TIAM2: variants seen among roughly 807,000 people sequenced by gnomAD.
TIAM2 encodes the protein TIAM Rac1 associated GEF 2.
In TIAM2, 80 loss-of-function variants were observed where a neutral mutation model predicts 152.9. The ratio of observed to expected loss-of-function variants is 0.52; its 90% confidence interval spans 0.44 to 0.63. TIAM2 has a LOEUF of 0.63. TIAM2 is among the 30% of genes least tolerant of loss of function. TIAM2 has a pLI of 0.00. For synonymous variants in TIAM2, 804 were observed against 838.0 expected (o/e 0.96, Z 0.70); for missense variants, 1,965 against 2,120.1 (o/e 0.93, Z 1.44).
rs1343195043 is a variant in TIAM2, at chr6:155,248,139, C to A, written c.3792C>A (p.Ser1264=). 1.2e-6 allele frequency: 2 copies of A among 1,614,116 alleles called. No homozygotes were observed. Among genetic ancestry groups the A allele is most frequent in the Non-Finnish European group, 1.7e-6 (2 of 1,180,020 alleles). ...KYPLLLKELV[S]LTDQESEEHY... ...CGCTGCTGCTCAAGGAGCTGGTGTC[C>A]CTGACGGACCAGGAGAGCGAGGAGC... Residue 1264 remains serine, a synonymous_variant, in exon 20 of 27, where the codon TCC becomes TCA. Coordinates refer to ENST00000682666, the MANE Select transcript of TIAM2 (RefSeq NM_012454.4).
intron 9 of TIAM2, among the ~76,000 whole-genome samples, chr6:155,172,666 ATATATATATATATATATATATTTTTTTTT>A (rs1427462342): frequency 0.065 from 604 of 9,278 alleles, 13 homozygotes; most frequent in African/African-American, 0.14. Context: ...ATATATATAT[ATATATATATATATATATATATTTTTTTTT>A]TTTTTTTTTT....
At chr6:155,015,192 A>G (rs916353402) in intron 1 of TIAM2, among the ~76,000 whole-genome samples, 3 of 152,110 alleles carry the variant, frequency 2.0e-5, no homozygotes, top group African/African-American at 7.2e-5. Context: ...GGCAAAGCAT[A>G]GGGAGGGGTA....
chr6:155,116,999 C>T (rs1373364284), intron 2 of TIAM2, among the ~76,000 whole-genome samples: 1 of 150,386 alleles, frequency 6.6e-6, no homozygotes, highest in Non-Finnish European at 1.5e-5. Context: ...TTAGCTGAGA[C>T]TTGAAGTAGA....
At chr6:155,036,555 C>G (rs1776925514) in intron 1 of TIAM2, among the ~76,000 whole-genome samples, 1 of 149,472 alleles carries the variant, frequency 6.7e-6, no homozygotes, top group Admixed American at 6.7e-5. Context: ...CCTCAAAGGT[C>G]CTTGTTGGCT....
intron 1 of TIAM2, chr6:155,005,219 T>C (rs1778378674): frequency 4.4e-6 from 1 of 227,130 alleles, no homozygotes; most frequent in South Asian, 8.3e-5. Flanking sequence ...CCTGCCTGTC[T>C]TTCCACAATA....
intron 15 of TIAM2, among the ~76,000 whole-genome samples, chr6:155,211,555 A>G (rs1485754): frequency 0.39 from 58,609 of 152,030 alleles, 12,624 homozygotes; most frequent in African/African-American, 0.54. Flanking sequence ...ATCAAAGAGC[A>G]GTGCACACTC....
intron 15 of TIAM2, among the ~76,000 whole-genome samples, chr6:155,219,544 G>A (rs546234743): frequency 2.0e-5 from 3 of 152,308 alleles, no homozygotes; most frequent in African/African-American, 7.2e-5. Flanking sequence ...GCAAGTTTGT[G>A]GACTTGTTTG....
intron 15 of TIAM2, among the ~76,000 whole-genome samples, chr6:155,223,527 C>CTTTTTTTTTTTTTTTTTTTTTTTT (rs11385281): frequency 7.6e-6 from 1 of 130,872 alleles, no homozygotes; most frequent in Non-Finnish European, 1.6e-5. Flanking sequence ...ATTTTTTTTT[C>CTTTTTTTTTTTTTTTTTTTTTTTT]TTTTTTTTTT....
intron 9 of TIAM2, among the ~76,000 whole-genome samples, chr6:155,168,575 T>G (rs978960174): frequency 6.6e-6 from 1 of 152,136 alleles, no homozygotes; most frequent in Non-Finnish European, 1.5e-5. Flanking sequence ...CAGGCTGGTC[T>G]TGAACTCCTG....
rs1554243537 is a variant in TIAM2 at position 155,223,527 on chromosome 6, C to CGTT, written c.3168+12220_3168+12221insGTT. On this transcript the variant is annotated intron_variant, in intron 15 of 26. Coordinates refer to ENST00000682666, the MANE Select transcript of TIAM2 (RefSeq NM_012454.4). ...GTTAGACATCCCCAGATTTTTTTTT[C>CGTT]TTTTTTTTTTTTTTTTTACTCTGCA... 1.2e-3 allele frequency among the ~76,000 whole-genome samples: 159 copies of CGTT among 130,864 alleles called. 1 individual carries two copies. In the Middle Eastern group the frequency reaches 0.015, roughly 13 times the overall value. 85.9% of individuals were successfully genotyped at this position (130,864 alleles called of 152,430 possible).
At position 155,012,831 on chromosome 6, in the gene TIAM2, G is replaced by A. The variant is rs553834204; in HGVS notation, c.-209+17339G>A. Among the ~76,000 whole-genome samples the A allele has an allele frequency of 7.9e-5, 12 of 152,348 alleles. No homozygotes were observed. In the South Asian group the frequency reaches 1.4e-3, roughly 18 times the overall value. ...CTCCCAAAGTGCTGGGATTACAGGC[G>A]TGAGCCACTATGCCCCATCCTCTGA... On this transcript the variant is annotated intron_variant, in intron 1 of 26. Coordinates refer to ENST00000682666, the MANE Select transcript of TIAM2 (RefSeq NM_012454.4).
chr6:155,042,061 T>C (rs1777058356), intron 1 of TIAM2, among the ~76,000 whole-genome samples: 2 of 151,964 alleles, frequency 1.3e-5, no homozygotes, highest in African/African-American at 4.8e-5. Flanking sequence ...TTGTTCTTTA[T>C]GGGAGAGGAA....
chr6:155,255,685 A>T (rs1196402610), intron 26 of TIAM2: 1 of 152,184 alleles, frequency 6.6e-6, no homozygotes, highest in East Asian at 1.9e-4. Flanking sequence ...CAGCAGAGAC[A>T]GTTCTCATAT....
At chr6:155,112,959 A>T (rs149349658) in intron 2 of TIAM2, among the ~76,000 whole-genome samples, 42 of 147,676 alleles carry the variant, frequency 2.8e-4, no homozygotes, top group African/African-American at 9.5e-4. Flanking sequence ...GTAGCCTAGC[A>T]GGTCCCCCTG....
chr6:155,116,752 G>GGGAA (rs1434852942), intron 2 of TIAM2, among the ~76,000 whole-genome samples: 1 of 152,132 alleles, frequency 6.6e-6, no homozygotes, highest in African/African-American at 2.4e-5. Flanking sequence ...TGTAAACCTT[G>GGGAA]GGAAGTGCTT....
chr6:155,239,919 G>C (rs1266812733), intron 15 of TIAM2, among the ~76,000 whole-genome samples: 1 of 150,336 alleles, frequency 6.7e-6, no homozygotes, highest in African/African-American at 2.4e-5. Flanking sequence ...ATCTTCATCT[G>C]CTTCTACTCC....
At chr6:155,165,561 AG>A in intron 9 of TIAM2, 152 bp downstream of exon 9, 1 of 1,110,796 alleles carries the variant, frequency 9.0e-7, no homozygotes, top group East Asian at 2.6e-5. Flanking sequence ...GCACACTGGG[AG>A]GGCAAGGCAG....
At chr6:155,064,194 C>G (rs1777642861) in intron 1 of TIAM2, among the ~76,000 whole-genome samples, 1 of 152,120 alleles carries the variant, frequency 6.6e-6, no homozygotes, top group Non-Finnish European at 1.5e-5. Flanking sequence ...TCTTTTTACC[C>G]TTTGCTGATT....
At chr6:155,245,757 T>TTG (rs763798902) in intron 19 of TIAM2, 26 bp downstream of exon 19, 6 of 1,403,640 alleles carry the variant, frequency 4.3e-6, no homozygotes, top group Non-Finnish European at 5.8e-6. Context: ...CTTTTATAGT[T>TTG]TTTTTTTTTT....
Sources: allele counts gnomAD v4.1 joint callset (sites outside exome capture counted in the v4.1 genomes callset), GRCh38; gene constraint gnomAD v4.1.1; transcripts MANE v1.5; gene names NCBI Gene and HGNC (gene_info 2026-07-23, HGNC 2026-07-21).